ALX4: variants seen among roughly 807,000 people sequenced by gnomAD.
ALX4 encodes the protein ALX homeobox 4, also known as homeobox protein aristaless-like 4.
A neutral mutation model predicts 40.6 loss-of-function variants in ALX4; 22 were observed. The observed-to-expected ratio is 0.54, with a 90% CI of 0.39 to 0.77. ALX4 has a LOEUF of 0.77. ALX4 is among the 30% of genes least tolerant of loss of function. The pLI is 0.00. For missense variants in ALX4, 556 were observed against 564.8 expected (o/e 0.98, Z 0.16); for synonymous variants, 266 against 240.5 (o/e 1.11, Z -0.98).
chr11:44,298,682 G>T (rs1455370032), intron 1 of ALX4, among the ~76,000 whole-genome samples: 1 of 152,060 alleles, frequency 6.6e-6, no homozygotes, highest in African/African-American at 2.4e-5. Flanking sequence ...CAAAAGAGGA[G>T]CAGTGAGGAA....
At chr11:44,297,576 G>A (rs1180374433) in intron 1 of ALX4, among the ~76,000 whole-genome samples, 1 of 151,930 alleles carries the variant, frequency 6.6e-6, no homozygotes, top group Non-Finnish European at 1.5e-5. Context: ...AAGTTAACTG[G>A]GCGTGGTGAC....
At chr11:44,294,509 G>T (rs956044757) in intron 1 of ALX4, among the ~76,000 whole-genome samples, 1 of 152,222 alleles carries the variant, frequency 6.6e-6, no homozygotes, top group Non-Finnish European at 1.5e-5. Flanking sequence ...GCAGCCTATG[G>T]GGAGGAGGGG....
At chr11:44,269,985 T>C (rs1956235988) in intron 2 of ALX4, among the ~76,000 whole-genome samples, 1 of 152,016 alleles carries the variant, frequency 6.6e-6, no homozygotes, top group African/African-American at 2.4e-5. Flanking sequence ...CTGTTGGGGT[T>C]CTCCTTGTGT....
At chr11:44,277,334 G>A (rs1042748032) in intron 1 of ALX4, among the ~76,000 whole-genome samples, 1 of 152,196 alleles carries the variant, frequency 6.6e-6, no homozygotes, top group East Asian at 1.9e-4. Flanking sequence ...CCTAGGGAAG[G>A]GCAGCCAACT....
intron 3 of ALX4, among the ~76,000 whole-genome samples, chr11:44,266,179 A>AC (rs1003572296): frequency 9.9e-5 from 15 of 151,716 alleles, no homozygotes; most frequent in African/African-American, 3.6e-4. Flanking sequence ...GGCCTCCATC[A>AC]CCCCCTCTCA....
intron 2 of ALX4, among the ~76,000 whole-genome samples, chr11:44,272,805 T>C (rs1956256274): frequency 6.8e-6 from 1 of 147,570 alleles, no homozygotes; most frequent in Non-Finnish European, 1.5e-5. Context: ...TGAGATCCTG[T>C]CTCAAAAAAT....
rs1956194805 is a variant in ALX4, at chr11:44,263,584, G to A, written c.*1270C>T. 1 of 152,368 alleles carries A rather than the reference G, an allele frequency of 6.6e-6. No homozygotes were observed. The allele number at this position is 152,368 out of a possible 1,614,324, so 9.4% of individuals were successfully genotyped here. ...AGGACGGAGTGTGGAAAGCTGTGTG[G>A]AGAAGAGCAACACCTCCTAGTGCCT... is the stretch of plus-strand genomic sequence containing the variant. On this transcript the variant is annotated 3_prime_UTR_variant, in exon 4 of 4. Transcript: ENST00000652299.
At chr11:44,271,045 C>CGTCCCT (rs1342018713) in intron 2 of ALX4, among the ~76,000 whole-genome samples, 1 of 152,238 alleles carries the variant, frequency 6.6e-6, no homozygotes, top group Non-Finnish European at 1.5e-5. Context: ...CCCATTGCCC[C>CGTCCCT]GTCCCTGTCC....
rs764796482 is a variant in ALX4 at position 44,309,561 on chromosome 11, G to C, written c.466+36C>G. On this transcript the variant is annotated intron_variant, in intron 1 of 3. Transcript: ENST00000652299. The stretch of plus-strand genomic sequence containing the variant: ...GGGATGCGGAAGCCAAGCACCCCGT[G>C]GTCCCCAGCACCAGGTGACCCGCAC... 3 of 1,549,712 alleles carry C rather than the reference G, an allele frequency of 1.9e-6. No homozygotes were observed. The Admixed American group carries it at 5.6e-5, about 29-fold the overall frequency.
chr11:44,298,713 C>G (rs955647569), intron 1 of ALX4, among the ~76,000 whole-genome samples: 19 of 152,078 alleles, frequency 1.2e-4, no homozygotes, highest in African/African-American at 4.6e-4. Context: ...CCTCCGACTG[C>G]TAGAGTTGGA....
At position 44,285,684 on chromosome 11, in the gene ALX4, CT is replaced by C. The variant is rs774475513; in HGVS notation, c.467-10027del. Among the ~76,000 whole-genome samples, 1,132 of 144,034 alleles carry C rather than the reference CT, an allele frequency of 7.9e-3. 12 individuals carry two copies. Among genetic ancestry groups the C allele is most frequent in the African/African-American group, 0.02 (788 of 39,556 alleles). The allele number at this position is 144,034 out of a possible 152,430, so 94.5% of individuals were successfully genotyped here. ...GGATGAAAGTGAGATCTTGTCTTTC[CT>C]TTTTTTTTTTTTATTTTTTAACTAT... On this transcript the variant is annotated intron_variant, in intron 1 of 3. Coordinates refer to ENST00000652299, the MANE Select transcript of ALX4 (RefSeq NM_021926.4).
intron 1 of ALX4, among the ~76,000 whole-genome samples, chr11:44,295,833 G>T (rs527485386): frequency 9.8e-5 from 15 of 152,286 alleles, no homozygotes; most frequent in Non-Finnish European, 1.8e-4. Flanking sequence ...TTCCCCAAAG[G>T]CCACGTCCTC....
chr11:44,275,680 T>C, intron 1 of ALX4, 22 bp from the exon 2 acceptor site: 1 of 1,609,454 alleles, frequency 6.2e-7, no homozygotes. Context: ...GGAAACAAAG[T>C]CAGAAACCAA....
At chr11:44,273,538 T>G (rs970567846) in intron 2 of ALX4, among the ~76,000 whole-genome samples, 1 of 152,184 alleles carries the variant, frequency 6.6e-6, no homozygotes, top group Non-Finnish European at 1.5e-5. Context: ...GCGTTTGGCT[T>G]TCTCTAATTG....
chr11:44,273,402 C>T (rs1956260260), intron 2 of ALX4, among the ~76,000 whole-genome samples: 1 of 152,126 alleles, frequency 6.6e-6, no homozygotes, highest in South Asian at 2.1e-4. Flanking sequence ...ATTTTGGCTA[C>T]TCATGGGTCT....
chr11:44,275,287 G>T (rs1477461112), intron 2 of ALX4, 61 bp downstream of exon 2: 30 of 1,581,914 alleles, frequency 1.9e-5, no homozygotes, highest in Non-Finnish European at 2.3e-5. Flanking sequence ...CCCAACTGCA[G>T]CCAAGAGCCC....
At chr11:44,281,816 G>A (rs1470668210) in intron 1 of ALX4, among the ~76,000 whole-genome samples, 1 of 152,182 alleles carries the variant, frequency 6.6e-6, no homozygotes, top group Non-Finnish European at 1.5e-5. Context: ...CAAAGGGGTA[G>A]TAGTGACTGG....
chr11:44,291,712 T>C (rs73541729), intron 1 of ALX4, among the ~76,000 whole-genome samples: 8,834 of 152,174 alleles, frequency 0.058, 363 homozygotes, highest in African/African-American at 0.11. Flanking sequence ...GGCCAAACAA[T>C]TGAATTTCTT....
intron 1 of ALX4, among the ~76,000 whole-genome samples, chr11:44,279,102 G>A (rs895091668): frequency 4.6e-5 from 7 of 152,054 alleles, no homozygotes; most frequent in Non-Finnish European, 8.8e-5. Flanking sequence ...TCCACCTCTC[G>A]CCACCCTGCA....
Sources: gnomAD v4.1 joint callset for allele counts (sites outside exome capture counted in the v4.1 genomes callset) on GRCh38, gnomAD v4.1.1 for gene constraint, MANE v1.5 for transcripts, NCBI Gene and HGNC (gene_info 2026-07-23, HGNC 2026-07-21) for gene names.